SV2C: variants seen among roughly 807,000 people sequenced by gnomAD.
SV2C encodes solute carrier family 22 member B3.
In SV2C, 49 loss-of-function variants were observed where a neutral mutation model predicts 79.7. That is an observed-to-expected ratio of 0.61 (90% CI 0.49 to 0.78). The LOEUF is 0.78. Ranked by LOEUF, SV2C falls within the 30% of genes least tolerant of loss-of-function variation. SV2C has a pLI of 0.00. For missense variants in SV2C, 833 were observed against 912.9 expected (o/e 0.91, Z 1.13); for synonymous variants, 334 against 333.2 (o/e 1.00, Z -0.03).
At chr5:76,037,495 G>A in the SV2C span, among the ~76,000 whole-genome samples, 8 of 152,272 alleles carry the variant, frequency 5.3e-5, no homozygotes, top group East Asian at 7.7e-4. Flanking sequence ...GTTTGTTGGA[G>A]TACCCGGCCG....
At chr5:76,092,886 C>T (rs1432469184) in intron 1 of SV2C, among the ~76,000 whole-genome samples, 2 of 152,062 alleles carry the variant, frequency 1.3e-5, no homozygotes, top group Non-Finnish European at 2.9e-5. Flanking sequence ...TCTCCTAGGC[C>T]CCTTGCAGCT....
the SV2C span, among the ~76,000 whole-genome samples, chr5:75,950,088 T>C: frequency 6.6e-6 from 1 of 152,030 alleles, no homozygotes; most frequent in Non-Finnish European, 1.5e-5. Context: ...CCCAGGGAAG[T>C]AGGTTCAGCT....
intron 4 of SV2C, among the ~76,000 whole-genome samples, chr5:76,272,552 C>T (rs1320090342): frequency 6.6e-6 from 1 of 152,194 alleles, no homozygotes; most frequent in Non-Finnish European, 1.5e-5. Context: ...GCTGCAAGTC[C>T]TCTATCAACT....
the SV2C span, among the ~76,000 whole-genome samples, chr5:75,970,030 C>G: frequency 1.1e-4 from 16 of 152,008 alleles, no homozygotes; most frequent in African/African-American, 3.9e-4. Flanking sequence ...CACTCAAAAC[C>G]GCTCATCTAC....
the SV2C span, among the ~76,000 whole-genome samples, chr5:75,884,870 C>G: frequency 6.6e-6 from 1 of 151,876 alleles, no homozygotes; most frequent in Non-Finnish European, 1.5e-5. Context: ...CAACAATGTA[C>G]TTCATTCTAG....
the SV2C span, among the ~76,000 whole-genome samples, chr5:75,959,801 G>A: frequency 6.6e-6 from 1 of 151,914 alleles, no homozygotes; most frequent in Admixed American, 6.6e-5. Context: ...TTTTGCAAAT[G>A]TTTCTCTTTC....
chr5:76,315,185 G>GGT (rs1554047408), intron 12 of SV2C, among the ~76,000 whole-genome samples: 4 of 126,892 alleles, frequency 3.2e-5, no homozygotes, highest in African/African-American at 1.2e-4. Context: ...AACATGGCCA[G>GGT]GCGCACACAC....
chr5:76,177,930 C>T (rs1365825571), intron 2 of SV2C, among the ~76,000 whole-genome samples: 2 of 152,030 alleles, frequency 1.3e-5, no homozygotes, highest in East Asian at 3.9e-4. Context: ...GTTCACTGTG[C>T]TGATATAGAG....
At chr5:76,127,167 TA>T (rs1198644506) in intron 1 of SV2C, among the ~76,000 whole-genome samples, 3 of 151,918 alleles carry the variant, frequency 2.0e-5, no homozygotes, top group African/African-American at 4.8e-5. Context: ...TGATGAGGAG[TA>T]AAGCAAAGGG....
chr5:76,223,478 T>G (rs1201826506), intron 4 of SV2C, among the ~76,000 whole-genome samples: 1 of 67,184 alleles, frequency 1.5e-5, no homozygotes, highest in African/African-American at 1.5e-4. Context: ...TATATATATA[T>G]ATATATATAT....
the SV2C span, among the ~76,000 whole-genome samples, chr5:76,032,997 G>A: frequency 6.6e-6 from 1 of 152,188 alleles, no homozygotes; most frequent in Non-Finnish European, 1.5e-5. Flanking sequence ...CTGATGGCCA[G>A]TGATGGTGAG....
the SV2C span, among the ~76,000 whole-genome samples, chr5:75,939,478 G>A: frequency 6.6e-6 from 1 of 152,074 alleles, no homozygotes; most frequent in Non-Finnish European, 1.5e-5. Context: ...ACCTCCCAGA[G>A]GCCCCACTTC....
chr5:76,115,704 G>A (rs1748243291), intron 1 of SV2C, among the ~76,000 whole-genome samples: 1 of 152,156 alleles, frequency 6.6e-6, no homozygotes, highest in Non-Finnish European at 1.5e-5. Context: ...AGGTAAATAG[G>A]ATTTTAAAAG....
At chr5:75,955,014 T>A in the SV2C span, among the ~76,000 whole-genome samples, 4 of 147,316 alleles carry the variant, frequency 2.7e-5, no homozygotes, top group Non-Finnish European at 5.9e-5. Flanking sequence ...AAGCTACCAA[T>A]GACTTTCTTC....
At chr5:76,119,914 G>A (rs546878503) in intron 1 of SV2C, among the ~76,000 whole-genome samples, 18 of 152,214 alleles carry the variant, frequency 1.2e-4, no homozygotes, top group African/African-American at 2.6e-4. Context: ...GATATTTACC[G>A]TAGTAGAAAC....
At chr5:76,183,968 A>G (rs542453764) in intron 2 of SV2C, among the ~76,000 whole-genome samples, 2 of 152,196 alleles carry the variant, frequency 1.3e-5, no homozygotes, top group East Asian at 1.9e-4. Flanking sequence ...CACGTGTTTC[A>G]TTCTGTGGTA....
intron 1 of SV2C, among the ~76,000 whole-genome samples, chr5:76,107,921 T>G (rs1239682549): frequency 6.6e-6 from 1 of 152,244 alleles, no homozygotes; most frequent in African/African-American, 2.4e-5. Context: ...TTTGTCATTT[T>G]AAAATAATGT....
At chr5:75,989,134 T>C in the SV2C span, among the ~76,000 whole-genome samples, 16 of 151,998 alleles carry the variant, frequency 1.1e-4, no homozygotes, top group Admixed American at 9.8e-4. Flanking sequence ...ATAAACCACC[T>C]TTTTTTCTTT....
At chr5:75,900,429 A>T in the SV2C span, among the ~76,000 whole-genome samples, 2,467 of 152,234 alleles carry the variant, frequency 0.016, 34 homozygotes, top group African/African-American at 0.042. Context: ...CTGCTGAGAG[A>T]TCCGCTGTTA....
Sources: gnomAD v4.1 joint callset for allele counts (sites outside exome capture counted in the v4.1 genomes callset) on GRCh38, gnomAD v4.1.1 for gene constraint, MANE v1.5 for transcripts, NCBI Gene and HGNC (gene_info 2026-07-23, HGNC 2026-07-21) for gene names.